The following F12 variants were observed in gnomAD, a reference collection of about 807,000 sequenced individuals.
F12 encodes Hageman factor.
In F12, 70 loss-of-function variants were observed where a neutral mutation model predicts 74.8. That is an observed-to-expected ratio of 0.94 (90% confidence interval 0.77 to 1.14). The LOEUF (loss-of-function observed/expected upper bound fraction) is 1.14, where lower values mean the gene tolerates loss of function less well. Ranked by LOEUF, F12 falls within the 50% of genes most tolerant of loss-of-function variation. The pLI, the probability that F12 is intolerant of heterozygous loss-of-function variation, is 0.00. For missense variants in F12, 811 were observed against 835.7 expected, an observed-to-expected ratio of 0.97 and a Z score of 0.36; for synonymous variants, 373 against 356.4, an observed-to-expected ratio of 1.05 and a Z score of -0.52.
At chr5:177,407,104 T>C (rs767744030) in intron 2 of F12, among the ~76,000 whole-genome samples, 14 of 152,226 alleles carry the variant, frequency 9.2e-5, no homozygotes, top group Non-Finnish European at 1.5e-4. Context: ...TATAGTGCCA[T>C]CAGCTTAGCA....
In F12 at chr5:177,409,075, T is replaced by C. The variant is rs1763349256; in HGVS notation, c.86A>G (p.His29Arg). 2 of 1,551,594 alleles carry C rather than the reference T, an allele frequency of 1.3e-6. No individual in the cohort carries two copies. The highest frequency in any genetic ancestry group is 1.2e-5 in the South Asian group (1 of 84,074). ...SIPPWEAPKE[H>R]KYKAEEHTVV... ...TGTGTGCTCTTCAGCTTTGTACTTA[T>C]GCTCCTTGGGGGCTTCCCAAGGTGG... is the stretch of plus-strand genomic sequence containing the variant. The change falls in exon 2 of 14, where the codon CAT (histidine) becomes CGT (arginine). Residue 29 changes from histidine to arginine, a missense_variant. By Grantham distance (29) the His-to-Arg change is conservative. Transcript: ENST00000253496.
chr5:177,406,110 C>T, intron 2 of F12, 49 bp from the exon 3 acceptor site: 1 of 1,506,582 alleles, frequency 6.6e-7, no homozygotes, highest in Admixed American at 1.7e-5. Context: ...CTCAACTGCT[C>T]AGGCACTGTC....
In F12 at chr5:177,406,315, C is replaced by T. The variant is rs555476510; in HGVS notation, c.116-254G>A. Among the ~76,000 whole-genome samples, 76 of 152,174 alleles carry T rather than the reference C, an allele frequency of 5.0e-4. No homozygotes were observed. In the East Asian group the frequency reaches 9.5e-3, roughly 19 times the overall value. ...CATCCTGGCTAATACAGTGAAACCC[C>T]CTCTCTACTAAAAATACAAAAAAAT... On this transcript the variant is annotated intron_variant, in intron 2 of 13. Coordinates refer to ENST00000253496, the MANE Select transcript of F12 (RefSeq NM_000505.4).
chr5:177,408,347 C>T (rs1763336801), intron 2 of F12, among the ~76,000 whole-genome samples: 1 of 152,160 alleles, frequency 6.6e-6, no homozygotes, highest in African/African-American at 2.4e-5. Context: ...AGCCACCATG[C>T]CTGGCATGTA....
intron 12 of F12, 24 bp downstream of exon 12, chr5:177,403,230 C>A (rs1287217566): frequency 6.2e-7 from 1 of 1,600,152 alleles, no homozygotes; most frequent in Non-Finnish European, 8.5e-7. Context: ...CTCCCCTACC[C>A]CTGCCCCTAG....
rs775251344 is a variant in F12 at position 177,402,348 on chromosome 5, C to A, written c.1792G>T (p.Val598Phe). 6.2e-7 allele frequency: 1 copy of A among 1,613,666 alleles called. No individual in the cohort carries two copies. The highest frequency in any genetic ancestry group is 1.7e-5 in the Admixed American group (1 of 60,006). Residue 598 changes from valine to phenylalanine, a missense_variant, in exon 14 of 14, where the codon GTC (valine) becomes TTC (phenylalanine). Transcript: ENST00000253496. ...SGCGDRNKPG[V>F]YTDVAYYLAW... ...AGGTAGTAGGCCACATCGGTGTAGA[C>A]GCCTGGCTTGTTGCGGTCACCACAG...
At chr5:177,405,208 G>A in intron 5 of F12, 23 bp from the exon 6 acceptor site, 1 of 1,613,636 alleles carries the variant, frequency 6.2e-7, no homozygotes, top group Non-Finnish European at 8.5e-7. Context: ...AGGGATAGTG[G>A]TCTCAGGAGA....
rs567376864 is a variant in F12, at chr5:177,405,621, A to G, written c.286+114T>C. ...TCTGGACTTCCAAAGGGTATTGTGG[A>G]GGGAGAGAAGGGGCTGGGTCCAGAA... On this transcript the variant is annotated intron_variant, in intron 4 of 13. Coordinates refer to ENST00000253496, the MANE Select transcript of F12 (RefSeq NM_000505.4). 2.4e-6 allele frequency: 3 copies of G among 1,237,846 alleles called. No homozygotes were observed. In the Admixed American group the frequency reaches 5.4e-5, roughly 22 times the overall value. The allele number at this position is 1,237,846 out of a possible 1,614,324, so 76.7% of individuals were successfully genotyped here. A position where few individuals can be genotyped will look rare whatever the true frequency, so the allele number is the denominator to read the frequency against.
chr5:177,402,205 G>A lies in F12; in HGVS notation c.*87C>T. Reference sequence around the variant, plus strand: ...CCTGGCGCGGAGCTGGCCGCACTGGGGGAATGGGACACAATCTTGCCTTCC... The same window carrying A: ...CCTGGCGCGGAGCTGGCCGCACTGGAGGAATGGGACACAATCTTGCCTTCC... On this transcript the variant is annotated 3_prime_UTR_variant, in exon 14 of 14. Coordinates refer to ENST00000253496, the MANE Select transcript of F12 (RefSeq NM_000505.4). 2 of 1,548,750 alleles carry A rather than the reference G, an allele frequency of 1.3e-6. No homozygotes were observed. The highest frequency in any genetic ancestry group is 2.3e-5 in the South Asian group (2 of 86,834).
rs898340368 is a variant in F12 at position 177,409,514 on chromosome 5, A to G, written c.14T>C (p.Leu5Pro). The G allele has an allele frequency of 3.1e-6, 5 of 1,614,022 alleles. No individual in the cohort carries two copies. Among genetic ancestry groups the G allele is most frequent in the Middle Eastern group, 1.6e-4 (1 of 6,084 alleles). MRAL[L>P]LLGFLLVSLE... ...GCTCACCAGCAGGAACCCCAGGAGC[A>G]GCAGAGCCCTCATGGCATCCGTCCG... Residue 5 changes from leucine (L) to proline (P), a missense_variant, in exon 1 of 14, where the codon CTG becomes CCG. By Grantham distance (98) the Leu-to-Pro change is moderately conservative. Coordinates refer to ENST00000253496, the MANE Select transcript of F12 (RefSeq NM_000505.4).
chr5:177,409,355 A>G (rs1325623570), intron 1 of F12, 116 bp downstream of exon 1: 2 of 1,296,390 alleles, frequency 1.5e-6, no homozygotes, highest in Non-Finnish European at 1.1e-6. Flanking sequence ...TCACCTTTCC[A>G]CATAGGCCTC....
chr5:177,403,281 C>T lies in F12; in HGVS notation c.1504G>A (p.Val502Met). The T allele has an allele frequency of 1.2e-6, 2 of 1,600,482 alleles. No individual in the cohort carries two copies. The highest frequency in any genetic ancestry group is 1.7e-6 in the Non-Finnish European group (2 of 1,179,840). ...TCGAACTGGTGGCCCCAGCCGGCCA[C>T]CTGGCAGAGCGTGGTCTCGGAGGGT... ...ARPSETTLCQ[V>M]AGWGHQFEGA... Residue 502 changes from valine to methionine, a missense_variant, in exon 12 of 14, where the codon GTG becomes ATG. Physicochemically the swap from Val to Met is conservative, Grantham distance 21. Coordinates refer to ENST00000253496, the MANE Select transcript of F12 (RefSeq NM_000505.4).
At chr5:177,408,278 A>T (rs1473284811) in intron 2 of F12, among the ~76,000 whole-genome samples, 4 of 151,668 alleles carry the variant, frequency 2.6e-5, no homozygotes, top group Admixed American at 6.6e-5. Flanking sequence ...CTGGTCTCGA[A>T]CTCCTGACCT....
chr5:177,407,505 C>A (rs779979976), intron 2 of F12, among the ~76,000 whole-genome samples: 1 of 152,128 alleles, frequency 6.6e-6, no homozygotes, highest in Non-Finnish European at 1.5e-5. Context: ...CAAATGGGGG[C>A]CAGGCGCGGT....
intron 2 of F12, among the ~76,000 whole-genome samples, chr5:177,408,746 T>C (rs1474273027): frequency 3.9e-5 from 6 of 152,106 alleles, no homozygotes; most frequent in Admixed American, 3.9e-4. Flanking sequence ...CCATGAGACG[T>C]ACTGGGGAAA....
chr5:177,403,216 T>C (rs370142297), intron 12 of F12, 38 bp downstream of exon 12: 1 of 1,598,040 alleles, frequency 6.3e-7, no homozygotes, highest in Non-Finnish European at 8.5e-7. Flanking sequence ...TGATCAAAGG[T>C]CTCCTCCCCT....
At chr5:177,406,884 C>CGCT (rs1179648104) in intron 2 of F12, among the ~76,000 whole-genome samples, 1 of 152,206 alleles carries the variant, frequency 6.6e-6, no homozygotes, top group Admixed American at 6.5e-5. Context: ...CAAGGCGTCA[C>CGCT]GCTGCTGCTG....
At position 177,405,729 on chromosome 5, in the gene F12, T is replaced by C. The variant is rs1763273226; in HGVS notation, c.286+6A>G. On this transcript the variant is annotated splice_donor_region_variant and intron_variant, in intron 4 of 13. Transcript: ENST00000253496. ...CCCAGGCCACCCCAGAGGCTGTGTG[T>C]AGCACCTTTCACTTTCTTGGGCTCC... The C allele has an allele frequency of 1.2e-6, 2 of 1,614,072 alleles. No individual in the cohort carries two copies. Among genetic ancestry groups the C allele is most frequent in the Non-Finnish European group, 1.7e-6 (2 of 1,179,940 alleles).
At chr5:177,406,349 G>T (rs752701932) in intron 2 of F12, among the ~76,000 whole-genome samples, 1 of 152,088 alleles carries the variant, frequency 6.6e-6, no homozygotes, top group African/African-American at 2.4e-5. Flanking sequence ...ATTAGCTGGG[G>T]GTGGTGGCAG....
Sources: allele counts gnomAD v4.1 joint callset (sites outside exome capture counted in the v4.1 genomes callset), GRCh38; gene constraint gnomAD v4.1.1; transcripts MANE v1.5; gene names NCBI Gene and HGNC (gene_info 2026-07-23, HGNC 2026-07-21).